DMD: variants seen among roughly 807,000 people sequenced by gnomAD.
DMD encodes the protein mutant dystrophin.
In DMD, 63 loss-of-function variants were observed where a neutral mutation model predicts 330.1. That is an observed-to-expected ratio of 0.19 (90% CI 0.16 to 0.24). The LOEUF is 0.24. Ranked by LOEUF, DMD falls within the 10% of genes least tolerant of loss-of-function variation. The pLI is 1.00. For synonymous variants in DMD, 1,223 were observed against 959.8 expected, an observed-to-expected ratio of 1.27 and a Z score of -5.07; for missense variants, 3,344 against 2,684.1, an observed-to-expected ratio of 1.25 and a Z score of -5.43.
intron 42 of DMD, among the ~76,000 whole-genome samples, chrX:32,301,220 T>C (rs1258661221): frequency 2.9e-5 from 1 of 34,130 alleles, no homozygotes; most frequent in Non-Finnish European, 6.2e-5. Context: ...AATGCATACA[T>C]CTAAAAAAAA....
chrX:32,679,902 C>CTTTTTTATTTTTTTTT (rs2062257566), intron 9 of DMD, among the ~76,000 whole-genome samples: 1 of 23,580 alleles, frequency 4.2e-5, no homozygotes, highest in African/African-American at 1.8e-4. Flanking sequence ...AATATTTGTA[C>CTTTTTTATTTTTTTTT]TTTTTTTTTT....
chrX:31,660,514 C>T (rs950067), intron 53 of DMD, among the ~76,000 whole-genome samples: 1 of 111,799 alleles, frequency 8.9e-6, no homozygotes, highest in Non-Finnish European at 1.9e-5. Flanking sequence ...AAAAGAAGAG[C>T]TTATTATCTC....
intron 44 of DMD, chrX:32,102,080 A>G (rs1478609454): frequency 9.0e-6 from 1 of 111,526 alleles, no homozygotes; most frequent in Non-Finnish European, 1.9e-5. Flanking sequence ...CAGCCACACC[A>G]GCCTAAACGC....
intron 1 of DMD, among the ~76,000 whole-genome samples, chrX:33,295,824 G>T (rs760086950): frequency 3.4e-4 from 38 of 111,096 alleles, no homozygotes; most frequent in Admixed American, 1.2e-3. Flanking sequence ...ATCAGTTTCT[G>T]TGCTATCTAG....
At chrX:31,495,091 A>G (rs1258840098) in intron 57 of DMD, among the ~76,000 whole-genome samples, 1 of 111,171 alleles carries the variant, frequency 9.0e-6, no homozygotes, top group Non-Finnish European at 1.9e-5. Context: ...CTAATTTAAT[A>G]TTCAGAAATA....
chrX:31,133,975 T>C, intron 77 of DMD, 127 bp downstream of exon 77: 2 of 575,773 alleles, frequency 3.5e-6, no homozygotes. Context: ...CTTTTCACCA[T>C]GGACCCAAAT....
intron 56 of DMD, among the ~76,000 whole-genome samples, chrX:31,501,092 G>A (rs191796815): frequency 2.9e-4 from 33 of 112,076 alleles, no homozygotes; most frequent in Non-Finnish European, 4.7e-4. Flanking sequence ...CTAATCACAG[G>A]CTGTAAACTG....
intron 9 of DMD, among the ~76,000 whole-genome samples, chrX:32,685,825 TTTAA>T (rs1490732474): frequency 1.8e-5 from 2 of 111,866 alleles, no homozygotes; most frequent in African/African-American, 3.2e-5. Flanking sequence ...TCCCCAAAGA[TTTAA>T]TTGATAGCAT....
intron 44 of DMD, among the ~76,000 whole-genome samples, chrX:31,989,853 T>C (rs1251903797): frequency 1.8e-5 from 2 of 111,448 alleles, no homozygotes; most frequent in African/African-American, 6.5e-5. Context: ...TGTTGGTTTG[T>C]TACAAGGGTA....
chrX:32,963,148 A>G (rs1455942538), intron 2 of DMD, among the ~76,000 whole-genome samples: 1 of 112,000 alleles, frequency 8.9e-6, no homozygotes, highest in Non-Finnish European at 1.9e-5. Context: ...ATTTATGCAT[A>G]CATGTGTATT....
rs113480362 is a variant in DMD, at chrX:32,624,849, G to A, written c.1332-10396C>T. On this transcript the variant is annotated intron_variant, in intron 11 of 78. Transcript: ENST00000357033. ...GAACATAAAGGAATTCAATGGGAAT[G>A]CCAGCTTTGCTTTACAGAAACTCTG... Among the ~76,000 whole-genome samples the A allele has an allele frequency of 4.7e-3, 523 of 112,354 alleles. 4 individuals carry two copies. The highest frequency in any genetic ancestry group is 8.2e-3 in the Non-Finnish European group (436 of 53,248).
intron 9 of DMD, among the ~76,000 whole-genome samples, chrX:32,693,263 T>A (rs1358717125): frequency 8.9e-6 from 1 of 112,214 alleles, no homozygotes; most frequent in Non-Finnish European, 1.9e-5. Context: ...GTTAGCTGAA[T>A]GAGACCTGTT....
In DMD at chrX:32,126,778, C is replaced by A. The variant is rs752505442; in HGVS notation, c.6438+90138G>T. 8.1e-5 allele frequency among the ~76,000 whole-genome samples: 9 copies of A among 111,363 alleles called. No homozygotes were observed. The East Asian group carries it at 2.3e-3, about 28-fold the overall frequency. Reference sequence around the variant, plus strand: ...AAAGATAAGTTGTGGTTTTAGGGACCCTTTGGGGGATATTAAGAGATCTTG... The same window carrying A: ...AAAGATAAGTTGTGGTTTTAGGGACACTTTGGGGGATATTAAGAGATCTTG... On this transcript the variant is annotated intron_variant, in intron 44 of 78. Coordinates refer to ENST00000357033, the MANE Select transcript of DMD (RefSeq NM_004006.3).
intron 62 of DMD, among the ~76,000 whole-genome samples, chrX:31,313,232 G>GGGCT (rs1420375040): frequency 1.1e-4 from 12 of 109,259 alleles, no homozygotes; most frequent in African/African-American, 2.7e-4. Context: ...GCTTACATCA[G>GGGCT]GGCTGGCCAA....
intron 41 of DMD, among the ~76,000 whole-genome samples, chrX:32,328,431 G>C (rs898682274): frequency 7.2e-5 from 8 of 111,254 alleles, no homozygotes; most frequent in Non-Finnish European, 1.3e-4. Context: ...TGTGTATTTT[G>C]TCTTGTTTTT....
intron 48 of DMD, among the ~76,000 whole-genome samples, chrX:31,859,375 G>C (rs1332922917): frequency 8.9e-6 from 1 of 112,100 alleles, no homozygotes; most frequent in East Asian, 2.8e-4. Flanking sequence ...GGGTTATGAA[G>C]ATCACTGAGA....
chrX:33,295,307 C>G (rs1345536101), intron 1 of DMD, among the ~76,000 whole-genome samples: 1 of 110,629 alleles, frequency 9.0e-6, no homozygotes, highest in Non-Finnish European at 1.9e-5. Flanking sequence ...CTCATCCCAG[C>G]TCCACACTCA....
At chrX:31,313,048 T>C (rs2055654068) in intron 62 of DMD, among the ~76,000 whole-genome samples, 1 of 105,991 alleles carries the variant, frequency 9.4e-6, no homozygotes, top group African/African-American at 3.5e-5. Flanking sequence ...AACCTGCACG[T>C]TCTGCACATG....
intron 37 of DMD, among the ~76,000 whole-genome samples, chrX:32,362,448 A>AT (rs1603631693): frequency 9.0e-6 from 1 of 111,129 alleles, no homozygotes; most frequent in Non-Finnish European, 1.9e-5. Flanking sequence ...GGTTTTATTT[A>AT]TTTTTTTGGC....
Sources: allele counts gnomAD v4.1 joint callset (sites outside exome capture counted in the v4.1 genomes callset), GRCh38; gene constraint gnomAD v4.1.1; transcripts MANE v1.5; gene names NCBI Gene and HGNC (gene_info 2026-07-23, HGNC 2026-07-21).